The following SGCZ variants were observed in gnomAD, a reference collection of about 807,000 sequenced individuals.
SGCZ encodes sarcoglycan zeta.
A neutral mutation model predicts 41.3 loss-of-function variants in SGCZ; 40 were observed. That is an observed-to-expected ratio of 0.97 (90% CI 0.75 to 1.26). The LOEUF is 1.26. Ranked by LOEUF, SGCZ falls within the 50% of genes most tolerant of loss-of-function variation. The pLI is 0.00. For missense variants in SGCZ, 552 were observed against 369.8 expected (o/e 1.49, Z -4.04); for synonymous variants, 206 against 137.5 (o/e 1.50, Z -3.49).
At chr8:14,651,287 T>C (rs186836241) in intron 1 of SGCZ, among the ~76,000 whole-genome samples, 29 of 152,196 alleles carry the variant, frequency 1.9e-4, no homozygotes, top group Admixed American at 8.5e-4. Context: ...TAAGAGGGCA[T>C]TTTATGAAAA....
At chr8:14,134,339 T>C (rs1315892251) in intron 5 of SGCZ, among the ~76,000 whole-genome samples, 3 of 152,174 alleles carry the variant, frequency 2.0e-5, no homozygotes, top group Admixed American at 2.0e-4. Flanking sequence ...AGTACATGTA[T>C]CATGATGCAG....
chr8:15,034,483 A>C (rs1803797893), intron 1 of SGCZ, among the ~76,000 whole-genome samples: 1 of 152,174 alleles, frequency 6.6e-6, no homozygotes, highest in Non-Finnish European at 1.5e-5. Context: ...GAAAAGATCA[A>C]GTGTTAGAGT....
intron 3 of SGCZ, among the ~76,000 whole-genome samples, chr8:14,260,608 A>T (rs1043760336): frequency 2.7e-5 from 4 of 149,334 alleles, no homozygotes; most frequent in African/African-American, 9.8e-5. Flanking sequence ...TATATACCCA[A>T]AGGACTATAA....
rs543769970 is a variant in SGCZ, at chr8:14,392,488, G to A, written c.235-68284C>T. Among the ~76,000 whole-genome samples the A allele has an allele frequency of 4.6e-5, 7 of 152,284 alleles. No individual in the cohort carries two copies. In the South Asian group the frequency reaches 1.4e-3, roughly 32 times the overall value. On this transcript the variant is annotated intron_variant, in intron 2 of 7. Transcript: ENST00000382080. Reference sequence around the variant, plus strand: ...CAAGAGTAGAAATACGGTATTTGCTGATGTGGAAAATTGGAATGCCCAGAG... The same window carrying A: ...CAAGAGTAGAAATACGGTATTTGCTAATGTGGAAAATTGGAATGCCCAGAG...
intron 2 of SGCZ, among the ~76,000 whole-genome samples, chr8:14,464,853 A>C (rs1416341234): frequency 1.3e-5 from 2 of 151,470 alleles, no homozygotes; most frequent in Non-Finnish European, 3.0e-5. Context: ...TTGGTTGTTC[A>C]GAGTTTTTTA....
chr8:14,417,783 T>G (rs1050528840), intron 2 of SGCZ, among the ~76,000 whole-genome samples: 1 of 125,768 alleles, frequency 8.0e-6, no homozygotes, highest in East Asian at 2.7e-4. Flanking sequence ...AATTTGATTA[T>G]GGTAATCATT....
chr8:14,385,076 G>C (rs1804522807), intron 2 of SGCZ, among the ~76,000 whole-genome samples: 1 of 152,164 alleles, frequency 6.6e-6, no homozygotes, highest in Non-Finnish European at 1.5e-5. Flanking sequence ...GTGATGTGCT[G>C]ATAGATGATT....
chr8:14,616,395 C>T (rs959172005), intron 1 of SGCZ, among the ~76,000 whole-genome samples: 2 of 152,020 alleles, frequency 1.3e-5, no homozygotes, highest in African/African-American at 4.8e-5. Flanking sequence ...TACTTTGGTT[C>T]TCTAAAGCTT....
chr8:14,535,871 G>A (rs757073471), intron 2 of SGCZ, among the ~76,000 whole-genome samples: 35 of 151,832 alleles, frequency 2.3e-4, no homozygotes, highest in South Asian at 1.0e-3. Flanking sequence ...AAACCATGAC[G>A]GCATGTAAAA....
chr8:14,302,188 A>G (rs1346277), intron 3 of SGCZ, among the ~76,000 whole-genome samples: 68,161 of 151,952 alleles, frequency 0.45, 16,162 homozygotes, highest in African/African-American at 0.6. Context: ...ACAATCAAAA[A>G]TCATTTAATA....
chr8:14,145,781 T>G lies in SGCZ; in HGVS notation c.547+18799A>C, dbSNP rs560980470. Among the ~76,000 whole-genome samples, 74 of 152,282 alleles carry G rather than the reference T, an allele frequency of 4.9e-4. 2 individuals are homozygous for G. Among genetic ancestry groups the G allele is most frequent in the African/African-American group, 1.7e-3 (69 of 41,570 alleles). On this transcript the variant is annotated intron_variant, in intron 5 of 7. Coordinates refer to ENST00000382080, the MANE Select transcript of SGCZ (RefSeq NM_139167.4). ...AATAATTAAAAAGAAGCAGGAATCC[T>G]GGAGCTGAAAAATGTAACTGGCATA...
intron 1 of SGCZ, among the ~76,000 whole-genome samples, chr8:14,641,141 G>C (rs928836956): frequency 6.6e-6 from 1 of 151,460 alleles, no homozygotes; most frequent in Admixed American, 6.6e-5. Flanking sequence ...TCCTTCCAAA[G>C]ACTCTTTCCC....
At chr8:14,998,331 A>G (rs1237181419) in intron 1 of SGCZ, among the ~76,000 whole-genome samples, 2 of 152,228 alleles carry the variant, frequency 1.3e-5, no homozygotes, top group Non-Finnish European at 2.9e-5. Flanking sequence ...TCCTTGATAG[A>G]AAGTTACTTC....
At chr8:14,427,767 A>G (rs1156652297) in intron 2 of SGCZ, among the ~76,000 whole-genome samples, 1 of 152,208 alleles carries the variant, frequency 6.6e-6, no homozygotes, top group African/African-American at 2.4e-5. Context: ...GAACCTGGCC[A>G]CATGACAGTA....
intron 1 of SGCZ, among the ~76,000 whole-genome samples, chr8:15,022,590 C>T (rs1803297148): frequency 2.6e-5 from 4 of 152,142 alleles, no homozygotes; most frequent in Admixed American, 2.0e-4. Flanking sequence ...GATGCACCCG[C>T]CTCGGCCTCA....
intron 5 of SGCZ, among the ~76,000 whole-genome samples, chr8:14,112,076 A>G (rs1275273874): frequency 1.3e-5 from 2 of 152,180 alleles, no homozygotes; most frequent in African/African-American, 2.4e-5. Context: ...AAGAGGTAGC[A>G]CAAGAAAAGG....
At chr8:14,933,524 C>G (rs1408830597) in intron 1 of SGCZ, among the ~76,000 whole-genome samples, 1 of 151,396 alleles carries the variant, frequency 6.6e-6, no homozygotes, top group South Asian at 2.1e-4. Flanking sequence ...CTCCGCCTCC[C>G]GCGTTCACAC....
chr8:14,530,318 T>C lies in SGCZ; in HGVS notation c.234+24414A>G, dbSNP rs1008093949. Among the ~76,000 whole-genome samples the C allele has an allele frequency of 5.9e-5, 9 of 152,108 alleles. No homozygotes were observed. The South Asian group carries it at 1.9e-3, about 31-fold the overall frequency. Reference sequence around the variant, plus strand: ...TCTTATATGAAAATTTTTTAACTTATGACTTTCTCACAGATCATACATCAA... The same window carrying C: ...TCTTATATGAAAATTTTTTAACTTACGACTTTCTCACAGATCATACATCAA... On this transcript the variant is annotated intron_variant, in intron 2 of 7. Transcript: ENST00000382080.
At chr8:15,037,568 A>C (rs1803916918) in intron 1 of SGCZ, among the ~76,000 whole-genome samples, 1 of 152,186 alleles carries the variant, frequency 6.6e-6, no homozygotes, top group Non-Finnish European at 1.5e-5. Flanking sequence ...GTACATAAAG[A>C]GAGAATGTCC....
Sources: allele counts gnomAD v4.1 joint callset (sites outside exome capture counted in the v4.1 genomes callset), GRCh38; gene constraint gnomAD v4.1.1; transcripts MANE v1.5; gene names NCBI Gene and HGNC (gene_info 2026-07-23, HGNC 2026-07-21).